Variants in SNTG1 observed in about 807,000 individuals in gnomAD.
SNTG1 encodes the protein syntrophin gamma 1.
In SNTG1, 39 loss-of-function variants were observed where a neutral mutation model predicts 74.7. The observed-to-expected ratio is 0.52, with a 90% CI of 0.40 to 0.68. SNTG1 has a LOEUF of 0.68. Ranked by LOEUF, SNTG1 falls within the 30% of genes least tolerant of loss-of-function variation. The pLI, the probability that SNTG1 is intolerant of heterozygous loss-of-function variation, is 0.00. For synonymous variants in SNTG1, 254 were observed against 217.1 expected (o/e 1.17, Z -1.49); for missense variants, 685 against 609.5 (o/e 1.12, Z -1.30).
chr8:50,097,424 C>T (rs927715947), intron 1 of SNTG1, among the ~76,000 whole-genome samples: 6 of 152,058 alleles, frequency 3.9e-5, no homozygotes, highest in African/African-American at 7.2e-5. Context: ...GTAGTGTCAA[C>T]CACACTCACA....
chr8:49,926,557 A>T (rs562560339), intron 1 of SNTG1, among the ~76,000 whole-genome samples: 1 of 152,126 alleles, frequency 6.6e-6, no homozygotes, highest in Non-Finnish European at 1.5e-5. Context: ...ATGAGTCTAG[A>T]CATAGACCTT....
At chr8:50,100,025 A>T (rs1051394049) in intron 1 of SNTG1, among the ~76,000 whole-genome samples, 2 of 152,036 alleles carry the variant, frequency 1.3e-5, no homozygotes, top group Non-Finnish European at 2.9e-5. Context: ...GTGTTCATCA[A>T]TAGATGACGG....
chr8:50,111,442 T>C (rs556542952), intron 1 of SNTG1, among the ~76,000 whole-genome samples: 24 of 152,244 alleles, frequency 1.6e-4, no homozygotes, highest in Non-Finnish European at 2.9e-4. Flanking sequence ...CCTCTTCTTC[T>C]CATTCTTCTT....
intron 2 of SNTG1, among the ~76,000 whole-genome samples, chr8:50,328,615 C>T (rs1018577811): frequency 1.3e-5 from 2 of 152,146 alleles, no homozygotes; most frequent in Non-Finnish European, 2.9e-5. Context: ...ATGAGAACAG[C>T]ATAGGAGAAA....
At chr8:50,726,197 A>C (rs2095499658) in intron 17 of SNTG1, among the ~76,000 whole-genome samples, 1 of 152,200 alleles carries the variant, frequency 6.6e-6, no homozygotes, top group African/African-American at 2.4e-5. Flanking sequence ...GAAAGAGCTC[A>C]TAACAAAGTC....
At chr8:50,047,768 G>A (rs994724106) in intron 1 of SNTG1, among the ~76,000 whole-genome samples, 4 of 152,090 alleles carry the variant, frequency 2.6e-5, no homozygotes, top group African/African-American at 4.8e-5. Context: ...CAACCTGGGG[G>A]TGTCACATGC....
At chr8:50,696,495 G>T (rs984206796) in intron 15 of SNTG1, among the ~76,000 whole-genome samples, 2 of 151,904 alleles carry the variant, frequency 1.3e-5, no homozygotes, top group Non-Finnish European at 2.9e-5. Flanking sequence ...TTGCTTTGAG[G>T]ACTTGGTCAT....
intron 2 of SNTG1, among the ~76,000 whole-genome samples, chr8:50,201,055 C>T (rs138002987): frequency 1.4e-3 from 210 of 152,026 alleles, no homozygotes; most frequent in African/African-American, 4.8e-3. Context: ...AACATCATGG[C>T]TTGCTTTGAG....
intron 2 of SNTG1, among the ~76,000 whole-genome samples, chr8:50,186,451 T>C (rs1363849249): frequency 1.3e-5 from 2 of 152,178 alleles, no homozygotes; most frequent in African/African-American, 4.8e-5. Context: ...TGAGGAACAC[T>C]GTCTTCCACA....
At chr8:50,430,649 A>G (rs1429055431) in intron 4 of SNTG1, among the ~76,000 whole-genome samples, 3 of 152,212 alleles carry the variant, frequency 2.0e-5, no homozygotes, top group Non-Finnish European at 4.4e-5. Flanking sequence ...GAACTTGCAG[A>G]CAGAAATGTG....
intron 10 of SNTG1, among the ~76,000 whole-genome samples, chr8:50,535,212 A>G (rs1433260645): frequency 1.3e-5 from 2 of 152,170 alleles, no homozygotes; most frequent in Non-Finnish European, 2.9e-5. Context: ...GAAGATAAAC[A>G]TAGTAAGATA....
At chr8:49,951,250 G>T (rs1183308558) in intron 1 of SNTG1, among the ~76,000 whole-genome samples, 2 of 152,200 alleles carry the variant, frequency 1.3e-5, no homozygotes, top group Non-Finnish European at 2.9e-5. Flanking sequence ...TATTTTATCT[G>T]TGAAAAGGGA....
intron 12 of SNTG1, among the ~76,000 whole-genome samples, chr8:50,581,397 A>G (rs185005609): frequency 6.6e-6 from 1 of 152,270 alleles, no homozygotes; most frequent in Admixed American, 6.5e-5. Context: ...ACAGAAATCA[A>G]TTTAAATTTC....
At chr8:50,326,725 A>C (rs1316081404) in intron 2 of SNTG1, among the ~76,000 whole-genome samples, 1 of 149,922 alleles carries the variant, frequency 6.7e-6, no homozygotes, top group Non-Finnish European at 1.5e-5. Context: ...ATTTTCTTCC[A>C]GTTACATTGA....
chr8:50,018,421 C>T (rs1331672676), intron 1 of SNTG1, among the ~76,000 whole-genome samples: 1 of 151,924 alleles, frequency 6.6e-6, no homozygotes, highest in African/African-American at 2.4e-5. Flanking sequence ...AACAAATGTT[C>T]CTGGGACAAC....
chr8:50,257,422 T>G (rs1047205151), intron 2 of SNTG1, among the ~76,000 whole-genome samples: 1 of 152,180 alleles, frequency 6.6e-6, no homozygotes, highest in Non-Finnish European at 1.5e-5. Context: ...GTGCAGAGTT[T>G]CTGCCAAGAG....
At chr8:50,022,936 TA>T (rs1816951700) in intron 1 of SNTG1, among the ~76,000 whole-genome samples, 1 of 152,164 alleles carries the variant, frequency 6.6e-6, no homozygotes, top group Admixed American at 6.6e-5. Flanking sequence ...AGGAGTTAAA[TA>T]GACAATTAGA....
intron 17 of SNTG1, among the ~76,000 whole-genome samples, chr8:50,749,575 A>C (rs1434656388): frequency 2.0e-5 from 3 of 152,016 alleles, no homozygotes; most frequent in Admixed American, 1.3e-4. Context: ...AAAACTTCAA[A>C]GGATAGGCTG....
At chr8:50,695,858 T>C (rs114205669) in intron 15 of SNTG1, among the ~76,000 whole-genome samples, 1 of 151,486 alleles carries the variant, frequency 6.6e-6, no homozygotes. Flanking sequence ...TGTATATATA[T>C]AATTTTTATT....
Sources: allele counts gnomAD v4.1 joint callset (sites outside exome capture counted in the v4.1 genomes callset), GRCh38; gene constraint gnomAD v4.1.1; transcripts MANE v1.5; gene names NCBI Gene and HGNC (gene_info 2026-07-23, HGNC 2026-07-21).